Variants in SHISA9 observed in about 807,000 individuals in gnomAD.
SHISA9 encodes the protein protein shisa-9.
In SHISA9, 13 loss-of-function variants were observed where a neutral mutation model predicts 38.0. The observed-to-expected ratio is 0.34, with a 90% CI of 0.22 to 0.54. The LOEUF is 0.54. Ranked by LOEUF, SHISA9 falls within the 20% of genes least tolerant of loss-of-function variation. The probability of loss-of-function intolerance (pLI) is 0.91; values close to 1 mark genes in which losing one functional copy is unlikely to be tolerated. For synonymous variants in SHISA9, 275 were observed against 242.0 expected (o/e 1.14, Z -1.27); for missense variants, 538 against 575.8 (o/e 0.93, Z 0.67).
At chr16:13,340,571 G>T in the SHISA9 span, among the ~76,000 whole-genome samples, 2 of 152,196 alleles carry the variant, frequency 1.3e-5, no homozygotes, top group Admixed American at 6.5e-5. Context: ...CTGGAAATCA[G>T]AAGTTGAGTC....
chr16:12,968,151 C>T (rs1208721323), intron 2 of SHISA9, among the ~76,000 whole-genome samples: 1 of 131,382 alleles, frequency 7.6e-6, no homozygotes, highest in Non-Finnish European at 1.6e-5. Context: ...GGTGGCACCA[C>T]TGCACTCCAG....
the SHISA9 span, among the ~76,000 whole-genome samples, chr16:13,438,523 G>A: frequency 6.6e-6 from 1 of 152,096 alleles, no homozygotes; most frequent in Non-Finnish European, 1.5e-5. Context: ...CAAAAATAAA[G>A]AAAAGGAGAG....
chr16:13,039,957 T>C (rs1216650149), intron 2 of SHISA9, among the ~76,000 whole-genome samples: 1 of 152,152 alleles, frequency 6.6e-6, no homozygotes, highest in Non-Finnish European at 1.5e-5. Context: ...CTCTCTCCCC[T>C]GAGTCCTGCC....
chr16:13,312,407 C>A, the SHISA9 span, among the ~76,000 whole-genome samples: 1 of 152,164 alleles, frequency 6.6e-6, no homozygotes, highest in South Asian at 2.1e-4. Flanking sequence ...CTCCTGTCCC[C>A]CCCTCAGTCA....
At chr16:12,926,902 C>G (rs1322824739) in intron 2 of SHISA9, among the ~76,000 whole-genome samples, 1 of 152,112 alleles carries the variant, frequency 6.6e-6, no homozygotes, top group Non-Finnish European at 1.5e-5. Flanking sequence ...TAATTTTGTA[C>G]AAATTGCATA....
intron 2 of SHISA9, among the ~76,000 whole-genome samples, chr16:13,028,568 G>A (rs908622424): frequency 8.5e-5 from 13 of 152,086 alleles, no homozygotes; most frequent in Non-Finnish European, 2.9e-5. Context: ...AACAGTATGG[G>A]GGAAACTGCC....
At chr16:13,438,889 G>C in the SHISA9 span, among the ~76,000 whole-genome samples, 2 of 152,160 alleles carry the variant, frequency 1.3e-5, no homozygotes, top group African/African-American at 4.8e-5. Flanking sequence ...CTCCATCCCA[G>C]CTGTCTCTGA....
chr16:13,404,932 C>G, the SHISA9 span, among the ~76,000 whole-genome samples: 1 of 152,176 alleles, frequency 6.6e-6, no homozygotes, highest in African/African-American at 2.4e-5. Context: ...TCCCTCTGGA[C>G]ACAGTCATAG....
At chr16:13,075,808 G>A (rs917337964) in intron 2 of SHISA9, among the ~76,000 whole-genome samples, 3 of 152,158 alleles carry the variant, frequency 2.0e-5, no homozygotes, top group Admixed American at 6.5e-5. Flanking sequence ...AGCAGGATGT[G>A]TCTAACTCAG....
chr16:13,128,753 C>G (rs1167697843), intron 2 of SHISA9, among the ~76,000 whole-genome samples: 1 of 152,158 alleles, frequency 6.6e-6, no homozygotes. Flanking sequence ...CTGAAAGTCC[C>G]TGATCCTGTT....
chr16:12,947,930 C>T (rs147073785), intron 2 of SHISA9, among the ~76,000 whole-genome samples: 60 of 152,266 alleles, frequency 3.9e-4, no homozygotes, highest in Admixed American at 1.4e-3. Flanking sequence ...CCACCTGAAT[C>T]GACAGGGTTT....
chr16:13,109,067 T>G (rs933178476), intron 2 of SHISA9, among the ~76,000 whole-genome samples: 2 of 152,168 alleles, frequency 1.3e-5, no homozygotes, highest in African/African-American at 4.8e-5. Flanking sequence ...AATTATTATC[T>G]TTTTGTGTGT....
At chr16:13,363,971 A>C in the SHISA9 span, among the ~76,000 whole-genome samples, 1 of 152,190 alleles carries the variant, frequency 6.6e-6, no homozygotes, top group Admixed American at 6.5e-5. Context: ...AGAGCCCAGC[A>C]ATCTGTATTT....
chr16:13,389,441 A>G, the SHISA9 span, among the ~76,000 whole-genome samples: 1 of 152,256 alleles, frequency 6.6e-6, no homozygotes, highest in East Asian at 1.9e-4. Context: ...GTTCATGGTA[A>G]AAGTGGAAAG....
chr16:13,074,162 G>A (rs1270651030), intron 2 of SHISA9, among the ~76,000 whole-genome samples: 1 of 152,074 alleles, frequency 6.6e-6, no homozygotes, highest in Non-Finnish European at 1.5e-5. Context: ...TAGAGATGGA[G>A]TTTTGCCATG....
At chr16:13,198,444 ATG>A (rs2050971518) in intron 2 of SHISA9, among the ~76,000 whole-genome samples, 1 of 152,322 alleles carries the variant, frequency 6.6e-6, no homozygotes, top group East Asian at 1.9e-4. Context: ...ACGTACACAC[ATG>A]CATATTTCTT....
At chr16:13,044,012 C>G (rs1363135740) in intron 2 of SHISA9, among the ~76,000 whole-genome samples, 1 of 152,150 alleles carries the variant, frequency 6.6e-6, no homozygotes, top group East Asian at 1.9e-4. Context: ...CTTAGCCTGG[C>G]CAAAGAAACT....
chr16:13,489,222 G>T, the SHISA9 span, among the ~76,000 whole-genome samples: 1 of 151,996 alleles, frequency 6.6e-6, no homozygotes, highest in Admixed American at 6.6e-5. Flanking sequence ...TAATTTTTTT[G>T]TATTTTTAGT....
At chr16:13,460,784 G>A in the SHISA9 span, among the ~76,000 whole-genome samples, 1 of 152,152 alleles carries the variant, frequency 6.6e-6, no homozygotes, top group Admixed American at 6.5e-5. Flanking sequence ...ACTTGTCCTA[G>A]GTCGACTACA....
Sources: allele counts gnomAD v4.1 joint callset (sites outside exome capture counted in the v4.1 genomes callset), GRCh38; gene constraint gnomAD v4.1.1; transcripts MANE v1.5; gene names NCBI Gene and HGNC (gene_info 2026-07-23, HGNC 2026-07-21).